The following PRICKLE2 variants were observed in gnomAD, a reference collection of about 807,000 sequenced individuals.
The protein encoded by PRICKLE2 is prickle planar cell polarity protein 2.
Under a neutral mutation model 81.4 loss-of-function variants are expected in PRICKLE2, and 21 were observed. The observed-to-expected ratio is 0.26, with a 90% CI of 0.18 to 0.37. PRICKLE2 has a LOEUF of 0.37. Among genes scored for constraint, PRICKLE2 ranks in the 10% least tolerant of loss-of-function variants. PRICKLE2 has a pLI of 1.00. For missense variants in PRICKLE2, 940 were observed against 1,109.0 expected, an observed-to-expected ratio of 0.85 and a Z score of 2.16; for synonymous variants, 456 against 421.5, an observed-to-expected ratio of 1.08 and a Z score of -1.00.
intron 1 of PRICKLE2, among the ~76,000 whole-genome samples, chr3:64,222,520 A>G (rs777097719): frequency 6.6e-6 from 1 of 152,198 alleles, no homozygotes; most frequent in Non-Finnish European, 1.5e-5. Context: ...CACCGGCATG[A>G]AGGAGGCAGA....
chr3:64,157,010 G>C (rs1250323886), intron 5 of PRICKLE2, 152 bp downstream of exon 5: 1 of 747,374 alleles, frequency 1.3e-6, no homozygotes, highest in Non-Finnish European at 2.4e-6. Context: ...CTAGAAACCA[G>C]GGATGGGTGG....
At chr3:64,107,012 G>A (rs1357937589) in intron 7 of PRICKLE2, among the ~76,000 whole-genome samples, 1 of 152,182 alleles carries the variant, frequency 6.6e-6, no homozygotes, top group Non-Finnish European at 1.5e-5. Flanking sequence ...AAATAATGCA[G>A]GCTTTATGAG....
intron 2 of PRICKLE2, among the ~76,000 whole-genome samples, chr3:64,188,345 T>C (rs1458360215): frequency 1.3e-5 from 2 of 152,230 alleles, no homozygotes; most frequent in Non-Finnish European, 2.9e-5. Context: ...TGTGGCCTCA[T>C]CTATTCCTAG....
chr3:64,154,707 T>C (rs560642006), intron 5 of PRICKLE2: 6 of 152,168 alleles, frequency 3.9e-5, no homozygotes, highest in Non-Finnish European at 5.9e-5. Flanking sequence ...TAACGTAGAC[T>C]TCATCAAAAT....
At chr3:64,130,061 C>T (rs1314457899) in intron 7 of PRICKLE2, among the ~76,000 whole-genome samples, 1 of 152,182 alleles carries the variant, frequency 6.6e-6, no homozygotes, top group Non-Finnish European at 1.5e-5. Flanking sequence ...TGCTCTAATC[C>T]TCACTCATCC....
At position 64,250,419 on chromosome 3, in the gene PRICKLE2, C is replaced by T. The variant is rs1055035627; in HGVS notation, c.129-51452G>A. On this transcript the variant is annotated intron_variant, in intron 2 of 8. Transcript: ENST00000295902. ...GGGCCAGGTGGGGAGTTCAAACCAG[C>T]TAGGAACTGCTGGGCTGTTGCAGAG... 3.3e-5 allele frequency among the ~76,000 whole-genome samples: 5 copies of T among 152,154 alleles called. No individual in the cohort carries two copies. The South Asian group carries it at 8.3e-4, about 25-fold the overall frequency.
At chr3:64,258,347 T>C (rs2079558880) in intron 2 of PRICKLE2, among the ~76,000 whole-genome samples, 1 of 152,146 alleles carries the variant, frequency 6.6e-6, no homozygotes, top group South Asian at 2.1e-4. Context: ...AATGAATATA[T>C]TTTGATCTAT....
chr3:64,226,588 T>C (rs1443251160), upstream of PRICKLE2, among the ~76,000 whole-genome samples: 1 of 152,230 alleles, frequency 6.6e-6, no homozygotes. Context: ...AAGTAAAATA[T>C]TGAATAGAAC....
chr3:64,241,293 T>C (rs1180416288), intron 2 of PRICKLE2, among the ~76,000 whole-genome samples: 1 of 152,218 alleles, frequency 6.6e-6, no homozygotes, highest in Non-Finnish European at 1.5e-5. Context: ...TGGAGCTGAC[T>C]GATACAGCCC....
chr3:64,241,894 C>G (rs950692617), intron 2 of PRICKLE2, among the ~76,000 whole-genome samples: 9 of 152,134 alleles, frequency 5.9e-5, no homozygotes, highest in African/African-American at 2.2e-4. Context: ...CAAAACAAAA[C>G]CCACCAGGTA....
rs7625486 is a variant in PRICKLE2 at position 64,203,091 on chromosome 3, G to A, written c.-40-4124C>T. Among the ~76,000 whole-genome samples, 439 of 152,222 alleles carry A rather than the reference G, an allele frequency of 2.9e-3. 2 individuals are homozygous for A. The highest frequency in any genetic ancestry group is 0.01 in the African/African-American group (422 of 41,536). The stretch of plus-strand genomic sequence containing the variant: ...AACATAAAAATGTACTTGAAGAAAC[G>A]AAATCAGTTTAGTCTAACCAAACTG... On this transcript the variant is annotated intron_variant, in intron 1 of 7. Transcript: ENST00000638394.
At position 64,095,261 on chromosome 3, in the gene PRICKLE2, G is replaced by A. The variant is rs1461615467; in HGVS notation, c.*3790C>T. ...CGAGCCTCCACAACCTGGGATGGGG[G>A]AGGGGCAGGTGAATTGGAGTCTCCG... is the stretch of plus-strand genomic sequence containing the variant. On this transcript the variant is annotated 3_prime_UTR_variant, in exon 8 of 8. Coordinates refer to ENST00000638394, the MANE Select transcript of PRICKLE2 (RefSeq NM_198859.4). 1 of 152,170 alleles carries A rather than the reference G, an allele frequency of 6.6e-6. No individual in the cohort carries two copies. Among genetic ancestry groups the A allele is most frequent in the Non-Finnish European group, 1.5e-5 (1 of 68,026 alleles). The allele number at this position is 152,170 out of a possible 1,614,324, so 9.4% of individuals were successfully genotyped here.
chr3:64,170,107 CA>C (rs1448996258), intron 2 of PRICKLE2, among the ~76,000 whole-genome samples: 1 of 152,070 alleles, frequency 6.6e-6, no homozygotes, highest in Non-Finnish European at 1.5e-5. Context: ...GAAATTGTAC[CA>C]AGTTTGGCTC....
rs539940016 is a variant in PRICKLE2 at position 64,096,736 on chromosome 3, T to A, written c.*2315A>T. 2 of 152,506 alleles carry A rather than the reference T, an allele frequency of 1.3e-5. No individual in the cohort carries two copies. The highest frequency in any genetic ancestry group is 2.9e-5 in the Non-Finnish European group (2 of 68,038). The allele number at this position is 152,506 out of a possible 1,614,324, so 9.4% of individuals were successfully genotyped here. A position where few individuals can be genotyped will look rare whatever the true frequency, so the allele number is the denominator to read the frequency against. On this transcript the variant is annotated 3_prime_UTR_variant, in exon 8 of 8. Coordinates refer to ENST00000638394, the MANE Select transcript of PRICKLE2 (RefSeq NM_198859.4). ...TTTTAGGCCACCTTCTTTCTGATGA[T>A]GGTGGTTGAAGCTTTCTTTGAGAAA...
chr3:64,102,164 G>A (rs959974731), intron 7 of PRICKLE2: 1 of 152,220 alleles, frequency 6.6e-6, no homozygotes, highest in African/African-American at 2.4e-5. Context: ...GAAAGGGTAC[G>A]AGGGAAACAT....
rs79517523 is a variant in PRICKLE2, at chr3:64,212,557, C to T, written c.-41+12353G>A. Among the ~76,000 whole-genome samples the T allele has an allele frequency of 3.0e-4, 46 of 152,234 alleles. No homozygotes were observed. The East Asian group carries it at 7.0e-3, about 23-fold the overall frequency. The stretch of plus-strand genomic sequence containing the variant: ...GTTTAGTCTCTACCTTCTTTGTGGA[C>T]GAGGTTGGCTAAACTTATACAGACA... On this transcript the variant is annotated intron_variant, in intron 1 of 7. Coordinates refer to ENST00000638394, the MANE Select transcript of PRICKLE2 (RefSeq NM_198859.4).
intron 2 of PRICKLE2, among the ~76,000 whole-genome samples, chr3:64,241,311 G>T (rs929388348): frequency 6.6e-6 from 1 of 152,158 alleles, no homozygotes. Flanking sequence ...CCCTCTTTTA[G>T]TGGGGACACA....
At chr3:64,218,223 T>C (rs1261889805) in intron 1 of PRICKLE2, among the ~76,000 whole-genome samples, 3 of 152,232 alleles carry the variant, frequency 2.0e-5, no homozygotes, top group Non-Finnish European at 2.9e-5. Flanking sequence ...ACACCTGTGC[T>C]CTTTGAAACT....
At chr3:64,163,215 C>G in intron 2 of PRICKLE2, 86 bp from the exon 3 acceptor site, 1 of 836,406 alleles carries the variant, frequency 1.2e-6, no homozygotes, top group Middle Eastern at 3.3e-4. Flanking sequence ...ATTCCCCCAG[C>G]AGGATGTAAC....
Sources: gnomAD v4.1 joint callset for allele counts (sites outside exome capture counted in the v4.1 genomes callset) on GRCh38, gnomAD v4.1.1 for gene constraint, MANE v1.5 for transcripts, NCBI Gene and HGNC (gene_info 2026-07-23, HGNC 2026-07-21) for gene names.